Variants in GREB1L observed in about 807,000 individuals in gnomAD.
GREB1L encodes GREB1 like retinoic acid receptor coactivator, also known as GREB1-like protein.
A neutral mutation model predicts 200.8 loss-of-function variants in GREB1L; 17 were observed. The observed-to-expected ratio is 0.08, with a 90% CI of 0.06 to 0.13. The LOEUF is 0.13. Among genes scored for constraint, GREB1L ranks in the 10% least tolerant of loss-of-function variants. The pLI is 1.00. For synonymous variants in GREB1L, 789 were observed against 893.0 expected, an observed-to-expected ratio of 0.88 and a Z score of 2.08; for missense variants, 1,657 against 2,367.7, an observed-to-expected ratio of 0.70 and a Z score of 6.23.
chr18:21,413,675 A>G (rs1351611753), intron 7 of GREB1L, among the ~76,000 whole-genome samples: 1 of 152,196 alleles, frequency 6.6e-6, no homozygotes. Context: ...AAGAGGCTCA[A>G]TAAATATTTG....
Position 21,523,160 on chromosome 18 carries a change from A to C in GREB1L, c.*339A>C, listed in dbSNP as rs533445421. Reference sequence around the variant, plus strand: ...TTTTTCTATTACTATGTTAGGGGGAAACTGACTGTCAGGATTAACTAGCCT... The same window carrying C: ...TTTTTCTATTACTATGTTAGGGGGACACTGACTGTCAGGATTAACTAGCCT... On this transcript the variant is annotated 3_prime_UTR_variant, in exon 33 of 33. Transcript: ENST00000424526. 5 of 172,954 alleles carry C rather than the reference A, an allele frequency of 2.9e-5. No individual in the cohort carries two copies. In the East Asian group the frequency reaches 8.3e-4, roughly 29 times the overall value. 10.7% of individuals were successfully genotyped at this position (172,954 alleles called of 1,614,324 possible).
chr18:21,375,872 T>TACCACCACCACCACCATCACC (rs1370464766), intron 2 of GREB1L, among the ~76,000 whole-genome samples: 2 of 151,964 alleles, frequency 1.3e-5, no homozygotes, highest in East Asian at 1.9e-4. Flanking sequence ...TGACAATAAC[T>TACCACCACCACCACCATCACC]ACCACCACCA....
chr18:21,486,302 C>T (rs1481683257), intron 18 of GREB1L, among the ~76,000 whole-genome samples: 3 of 150,718 alleles, frequency 2.0e-5, no homozygotes, highest in Non-Finnish European at 3.0e-5. Flanking sequence ...TGCAGTGAGC[C>T]GAGACCACGC....
In GREB1L at chr18:21,518,303, C is replaced by A; in HGVS notation, c.5472+69C>A. On this transcript the variant is annotated intron_variant, in intron 31 of 32. Coordinates refer to ENST00000424526, the MANE Select transcript of GREB1L (RefSeq NM_001142966.3). Reference sequence around the variant, plus strand: ...ATTTCTTTCTCATTTTAGCTGTTTACAAAAAAGGAGCCTGTGACATGAAAT... The same window carrying A: ...ATTTCTTTCTCATTTTAGCTGTTTAAAAAAAAGGAGCCTGTGACATGAAAT... 2.1e-6 allele frequency: 3 copies of A among 1,405,032 alleles called. No individual in the cohort carries two copies. The Admixed American group carries it at 7.5e-5, about 35-fold the overall frequency. 87.0% of individuals were successfully genotyped at this position (1,405,032 alleles called of 1,614,324 possible). A position where few individuals can be genotyped will look rare whatever the true frequency, so the allele number is the denominator to read the frequency against.
intron 31 of GREB1L, 106 bp from the exon 32 acceptor site, chr18:21,520,582 C>A: frequency 7.7e-7 from 1 of 1,291,240 alleles, no homozygotes; most frequent in Non-Finnish European, 1.1e-6. Flanking sequence ...TCTCCTTTAC[C>A]TTATCCTGAA....
intron 17 of GREB1L, among the ~76,000 whole-genome samples, chr18:21,485,187 T>A (rs1306092122): frequency 6.6e-6 from 1 of 152,232 alleles, no homozygotes; most frequent in Non-Finnish European, 1.5e-5. Flanking sequence ...TTTTATGAGT[T>A]ATCATTATGA....
At chr18:21,399,491 G>GGATGGAT (rs1567979051) in intron 5 of GREB1L, among the ~76,000 whole-genome samples, 1 of 151,512 alleles carries the variant, frequency 6.6e-6, no homozygotes. Flanking sequence ...ATGGATGGAT[G>GGATGGAT]GATAGATGGA....
At chr18:21,350,292 C>T (rs2039414387) in intron 1 of GREB1L, among the ~76,000 whole-genome samples, 1 of 147,930 alleles carries the variant, frequency 6.8e-6, no homozygotes, top group African/African-American at 2.5e-5. Context: ...GGCCGGAGTG[C>T]AATGGCGTGA....
At chr18:21,318,044 G>A (rs1214386441) in intron 1 of GREB1L, among the ~76,000 whole-genome samples, 2 of 150,898 alleles carry the variant, frequency 1.3e-5, no homozygotes, top group Non-Finnish European at 2.9e-5. Flanking sequence ...GGAGGTGGAG[G>A]TTGCAGTGAG....
At chr18:21,505,151 G>A (rs2036962314) in intron 23 of GREB1L, among the ~76,000 whole-genome samples, 1 of 152,308 alleles carries the variant, frequency 6.6e-6, no homozygotes, top group African/African-American at 2.4e-5. Context: ...ATTTGGCCTG[G>A]TGGAGACTAG....
chr18:21,360,759 A>G (rs1347550096), intron 1 of GREB1L, among the ~76,000 whole-genome samples: 3 of 152,248 alleles, frequency 2.0e-5, no homozygotes, highest in Non-Finnish European at 4.4e-5. Flanking sequence ...AAGGTTATAC[A>G]TGCTTTTTAT....
intron 15 of GREB1L, among the ~76,000 whole-genome samples, chr18:21,463,435 G>C (rs2035139916): frequency 6.6e-6 from 1 of 152,044 alleles, no homozygotes; most frequent in Non-Finnish European, 1.5e-5. Flanking sequence ...GTGAGCCACC[G>C]CACCCGGCAG....
chr18:21,295,642 G>A (rs1567925873), intron 1 of GREB1L, among the ~76,000 whole-genome samples: 1 of 152,196 alleles, frequency 6.6e-6, no homozygotes, highest in South Asian at 2.1e-4. Flanking sequence ...AGCATATGCA[G>A]GAGTATAATA....
intron 4 of GREB1L, among the ~76,000 whole-genome samples, chr18:21,385,437 G>A (rs1045983414): frequency 1.5e-5 from 2 of 132,080 alleles, no homozygotes; most frequent in Non-Finnish European, 3.0e-5. Context: ...TAGGAGATGA[G>A]GAAACCTGAA....
At chr18:21,422,469 TTC>T (rs1248772060) in intron 7 of GREB1L, among the ~76,000 whole-genome samples, 1 of 152,224 alleles carries the variant, frequency 6.6e-6, no homozygotes, top group African/African-American at 2.4e-5. Flanking sequence ...TTATGTATTT[TTC>T]TAGATTTTCT....
chr18:21,455,715 ATATAT>A (rs1298104647), intron 15 of GREB1L, among the ~76,000 whole-genome samples: 1 of 151,790 alleles, frequency 6.6e-6, no homozygotes, highest in Non-Finnish European at 1.5e-5. Flanking sequence ...TTTACTTTCA[ATATAT>A]TTAAAAACAG....
At chr18:21,363,653 TG>T (rs919908877) in intron 1 of GREB1L, 2 of 152,110 alleles carry the variant, frequency 1.3e-5, no homozygotes, top group Non-Finnish European at 2.9e-5. Flanking sequence ...AGTGAACTGC[TG>T]GTTGAAGCAA....
intron 15 of GREB1L, among the ~76,000 whole-genome samples, chr18:21,459,724 T>C (rs541248781): frequency 4.6e-5 from 7 of 152,224 alleles, no homozygotes; most frequent in Non-Finnish European, 8.8e-5. Flanking sequence ...ACTCCCTTGT[T>C]GGTCACTTAA....
intron 15 of GREB1L, among the ~76,000 whole-genome samples, chr18:21,457,150 G>A (rs1040507590): frequency 2.6e-5 from 4 of 152,044 alleles, no homozygotes; most frequent in Non-Finnish European, 1.5e-5. Flanking sequence ...TTTGACAGAT[G>A]AATAAATTGT....
Sources: allele counts gnomAD v4.1 joint callset (sites outside exome capture counted in the v4.1 genomes callset), GRCh38; gene constraint gnomAD v4.1.1; transcripts MANE v1.5; gene names NCBI Gene and HGNC (gene_info 2026-07-23, HGNC 2026-07-21).